Variants in OR2T6 observed in about 807,000 individuals in gnomAD.
OR2T6 encodes the protein olfactory receptor family 2 subfamily T member 6.
For missense variants in OR2T6, 424 were observed against 391.6 expected, an observed-to-expected ratio of 1.08 and a Z score of -0.70; for synonymous variants, 174 against 148.0, an observed-to-expected ratio of 1.18 and a Z score of -1.27.
In OR2T6 at chr1:248,387,588, C is replaced by T. The variant is rs1280561727; in HGVS notation, c.-4-17C>T. On this transcript the variant is annotated splice_polypyrimidine_tract_variant and intron_variant, in intron 2 of 2. Coordinates refer to ENST00000641644, the MANE Select transcript of OR2T6 (RefSeq NM_001005471.2). The stretch of plus-strand genomic sequence containing the variant: ...ATTGACCCTGCTTCTCTTCTTATGC[C>T]TCCATTTCAAACTCAGTACCATGAA... The T allele has an allele frequency of 1.4e-6, 2 of 1,464,520 alleles. No individual in the cohort carries two copies. The highest frequency in any genetic ancestry group is 1.4e-5 in the African/African-American group (1 of 71,388). The allele number at this position is 1,464,520 out of a possible 1,614,324, so 90.7% of individuals were successfully genotyped here. A position where few individuals can be genotyped will look rare whatever the true frequency, so the allele number is the denominator to read the frequency against.
chr1:248,381,924 T>C (rs931809562), intron 1 of OR2T6, among the ~76,000 whole-genome samples: 7 of 152,174 alleles, frequency 4.6e-5, no homozygotes, highest in Admixed American at 1.3e-4. Flanking sequence ...AAAATGTATC[T>C]AATGATATCG....
In OR2T6 at chr1:248,387,663, A is replaced by C; in HGVS notation, c.55A>C (p.Thr19Pro). 6.2e-7 allele frequency: 1 copy of C among 1,612,488 alleles called. No homozygotes were observed. Among genetic ancestry groups the C allele is most frequent in the South Asian group, 1.1e-5 (1 of 90,996 alleles). ...TRGFTLMGLF[T>P]HNKCSGFFFG... Reference sequence around the variant, plus strand: ...AGGCTTTACCCTCATGGGGCTCTTCACTCACAATAAATGCTCAGGATTCTT... The same window carrying C: ...AGGCTTTACCCTCATGGGGCTCTTCCCTCACAATAAATGCTCAGGATTCTT... Residue 19 changes from threonine to proline, a missense_variant, in exon 3 of 3, where the codon ACT becomes CCT. Coordinates refer to ENST00000641644, the MANE Select transcript of OR2T6 (RefSeq NM_001005471.2).
intron 1 of OR2T6, among the ~76,000 whole-genome samples, chr1:248,381,041 T>C (rs55814632): frequency 0.089 from 13,564 of 152,086 alleles, 1,864 homozygotes; most frequent in African/African-American, 0.3. Flanking sequence ...TGAATGATGT[T>C]GTAGCCATGA....
At chr1:248,379,932 T>G (rs28575213) in intron 1 of OR2T6, among the ~76,000 whole-genome samples, 13,553 of 152,040 alleles carry the variant, frequency 0.089, 1,862 homozygotes, top group African/African-American at 0.3. Flanking sequence ...TATTACATAT[T>G]TATACATGTG....
chr1:248,381,978 C>T (rs914432613), intron 1 of OR2T6, among the ~76,000 whole-genome samples: 2 of 152,092 alleles, frequency 1.3e-5, no homozygotes, highest in African/African-American at 4.8e-5. Flanking sequence ...AGATACTAGT[C>T]TAAGAAACTG....
rs759405650 is a variant in OR2T6 at position 248,387,967 on chromosome 1, A to G, written c.359A>G (p.Tyr120Cys). 5.6e-6 allele frequency: 9 copies of G among 1,608,944 alleles called. No homozygotes were observed. Among genetic ancestry groups the G allele is most frequent in the South Asian group, 5.6e-5 (5 of 89,960 alleles). Reference sequence around the variant, plus strand: ...TTCTTCCTGCTGGGGCTCATGGCCTATGACCGCTACGTGGCCATCTGCAAC... The same window carrying G: ...TTCTTCCTGCTGGGGCTCATGGCCTGTGACCGCTACGTGGCCATCTGCAAC... ...AEFFLLGLMA[Y>C]DRYVAICNPL... The change falls in exon 3 of 3, where the codon TAT becomes TGT. Residue 120 changes from tyrosine (Y) to cysteine (C), a missense_variant. Coordinates refer to ENST00000641644, the MANE Select transcript of OR2T6 (RefSeq NM_001005471.2).
rs182973158 is a variant in OR2T6 at position 248,378,340 on chromosome 1, A to G, written c.-159+2286A>G. ...AACAACATACCTTTTCATTAAAGAG[A>G]CTCAAACATCATAAAAAAGTTTTCA... On this transcript the variant is annotated intron_variant, in intron 1 of 2. Coordinates refer to ENST00000641644, the MANE Select transcript of OR2T6 (RefSeq NM_001005471.2). Among the ~76,000 whole-genome samples the G allele has an allele frequency of 1.1e-3, 161 of 152,304 alleles. 2 individuals carry two copies. The highest frequency in any genetic ancestry group is 3.6e-3 in the African/African-American group (150 of 41,572).
rs1661240050 is a variant in OR2T6 at position 248,390,923 on chromosome 1, A to G, written c.*2388A>G. ...TAAGATTTTAAAATCAAGTAAAATG[A>G]TGAATGTAATAAAACCTTATAAATG... On this transcript the variant is annotated 3_prime_UTR_variant, in exon 3 of 3. Transcript: ENST00000641644. 6.6e-6 allele frequency: 1 copy of G among 152,240 alleles called. No homozygotes were observed. The highest frequency in any genetic ancestry group is 2.1e-4 in the South Asian group (1 of 4,832). The allele number at this position is 152,240 out of a possible 1,614,324, so 9.4% of individuals were successfully genotyped here.
intron 1 of OR2T6, among the ~76,000 whole-genome samples, chr1:248,379,182 A>G (rs1002629520): frequency 6.6e-6 from 1 of 152,196 alleles, no homozygotes; most frequent in Non-Finnish European, 1.5e-5. Flanking sequence ...CTCAAAAAGG[A>G]AAAGAAAAAG....
chr1:248,388,128 A>G lies in OR2T6; in HGVS notation c.520A>G (p.Ile174Val). ...MSLPFCASHQ[I>V]NHFFCEAPTM... ...TCTCCCGTTCTGTGCCTCTCACCAA[A>G]TCAATCACTTTTTCTGTGAGGCACC... The change falls in exon 3 of 3, where the codon ATC becomes GTC. Residue 174 changes from isoleucine to valine, a missense_variant. Ile to Val is a conservative substitution (Grantham distance 29, BLOSUM62 3). Transcript: ENST00000641644. 6.2e-7 allele frequency: 1 copy of G among 1,613,742 alleles called. No individual in the cohort carries two copies. The highest frequency in any genetic ancestry group is 1.1e-5 in the South Asian group (1 of 91,050).
intron 1 of OR2T6, among the ~76,000 whole-genome samples, chr1:248,383,215 GTTCATCCTATCCT>G (rs1661073004): frequency 1.5e-5 from 1 of 64,524 alleles, no homozygotes. Context: ...GCCTGAGTGT[GTTCATCCTATCCT>G]GAAGTGTATC....
chr1:248,377,824 G>A (rs528530794), intron 1 of OR2T6, among the ~76,000 whole-genome samples: 65 of 152,224 alleles, frequency 4.3e-4, no homozygotes, highest in African/African-American at 1.3e-3. Context: ...GCCTTTGGGC[G>A]CATTTTTTTC....
intron 1 of OR2T6, among the ~76,000 whole-genome samples, chr1:248,382,536 C>CTTT (rs1553310854): frequency 1.7e-4 from 10 of 60,514 alleles, no homozygotes; most frequent in Middle Eastern, 0.01. Flanking sequence ...TTCTTTCTTT[C>CTTT]TTTTTTTTTT....
chr1:248,388,320 T>A lies in OR2T6; in HGVS notation c.712T>A (p.Phe238Ile). 6.2e-7 allele frequency: 1 copy of A among 1,613,700 alleles called. No homozygotes were observed. Among genetic ancestry groups the A allele is most frequent in the Non-Finnish European group, 8.5e-7 (1 of 1,179,782 alleles). ...ATCGGCTGAAGGGAGGAAGAAGGCC[T>A]TTGCCACCTGCTCTTCACACATGAT... ...MTSAEGRKKA[F>I]ATCSSHMMVV... Residue 238 changes from phenylalanine (F) to isoleucine (I), a missense_variant, in exon 3 of 3, where the codon TTT (phenylalanine) becomes ATT (isoleucine). Physicochemically the swap from Phe to Ile is conservative, Grantham distance 21. Transcript: ENST00000641644.
At chr1:248,384,349 A>C (rs1661095803) in intron 1 of OR2T6, among the ~76,000 whole-genome samples, 1 of 110,974 alleles carries the variant, frequency 9.0e-6, no homozygotes, top group Admixed American at 8.8e-5. Context: ...TCATGGAGAA[A>C]GCACTGCACT....
chr1:248,380,708 A>G (rs1259055998), intron 1 of OR2T6, among the ~76,000 whole-genome samples: 1 of 151,724 alleles, frequency 6.6e-6, no homozygotes, highest in Non-Finnish European at 1.5e-5. Flanking sequence ...TGTTTTAGGC[A>G]TACGTTAAAG....
chr1:248,385,324 G>C (rs1386458307), intron 2 of OR2T6, among the ~76,000 whole-genome samples: 1 of 152,172 alleles, frequency 6.6e-6, no homozygotes, highest in African/African-American at 2.4e-5. Context: ...AATCGTTTCT[G>C]TGGTTTCGTG....
At chr1:248,380,201 A>C (rs1661007195) in intron 1 of OR2T6, among the ~76,000 whole-genome samples, 1 of 151,978 alleles carries the variant, frequency 6.6e-6, no homozygotes, top group Admixed American at 6.6e-5. Flanking sequence ...GTATGCATGC[A>C]CTCATACAAA....
Position 248,391,723 on chromosome 1 carries a change from A to G in OR2T6, c.*3188A>G, listed in dbSNP as rs1342395988. On this transcript the variant is annotated 3_prime_UTR_variant, in exon 3 of 3. Coordinates refer to ENST00000641644, the MANE Select transcript of OR2T6 (RefSeq NM_001005471.2). ...ACAATAGGGAAAAGAGAGGGGATAT[A>G]TAAAAACTTTCTGAACTATCCATTC... is the stretch of plus-strand genomic sequence containing the variant. The G allele has an allele frequency of 1.3e-5, 2 of 152,214 alleles. No individual in the cohort carries two copies. The highest frequency in any genetic ancestry group is 4.8e-5 in the African/African-American group (2 of 41,450). The allele number at this position is 152,214 out of a possible 1,614,324, so 9.4% of individuals were successfully genotyped here. A position where few individuals can be genotyped will look rare whatever the true frequency, so the allele number is the denominator to read the frequency against.
Sources: allele counts gnomAD v4.1 joint callset (sites outside exome capture counted in the v4.1 genomes callset), GRCh38; gene constraint gnomAD v4.1.1; transcripts MANE v1.5; gene names NCBI Gene and HGNC (gene_info 2026-07-23, HGNC 2026-07-21).